MTAP: variants seen among roughly 807,000 people sequenced by gnomAD.
MTAP encodes the protein methylthioadenosine phosphorylase.
Under a neutral mutation model 33.6 loss-of-function variants are expected in MTAP, and 33 were observed. The ratio of observed to expected loss-of-function variants is 0.98; its 90% confidence interval spans 0.74 to 1.31. The LOEUF (loss-of-function observed/expected upper bound fraction) is 1.31. Among genes scored for constraint, MTAP ranks in the 40% most tolerant of loss-of-function variants. The pLI, the probability that MTAP is intolerant of heterozygous loss-of-function variation, is 0.00. For synonymous variants in MTAP, 148 were observed against 125.7 expected, an observed-to-expected ratio of 1.18 and a Z score of -1.19; for missense variants, 367 against 360.0, an observed-to-expected ratio of 1.02 and a Z score of -0.16.
chr9:21,900,658 A>G (rs1818376305), intron 1 of MTAP, among the ~76,000 whole-genome samples: 1 of 152,254 alleles, frequency 6.6e-6, no homozygotes, highest in Admixed American at 6.5e-5. Context: ...CAGCAATCCC[A>G]TTACTGGGTA....
intron 1 of MTAP, among the ~76,000 whole-genome samples, chr9:21,878,963 T>TCCAGCAATCCTCATAA (rs1372755064): frequency 1.3e-5 from 2 of 152,216 alleles, no homozygotes; most frequent in Non-Finnish European, 2.9e-5. Flanking sequence ...CTGAGGATTG[T>TCCAGCAATCCTCATAA]TTTATGTCCA....
Position 21,863,323 on chromosome 9 carries a change from G to C in MTAP, c.*1309G>C. 1.0e-6 allele frequency: 1 copy of C among 983,920 alleles called. No individual in the cohort carries two copies. Among genetic ancestry groups the C allele is most frequent in the Non-Finnish European group, 1.2e-6 (1 of 828,748 alleles). The allele number at this position is 983,920 out of a possible 1,614,324, so 60.9% of individuals were successfully genotyped here. A position where few individuals can be genotyped will look rare whatever the true frequency, so the allele number is the denominator to read the frequency against. On this transcript the variant is annotated 3_prime_UTR_variant, in exon 8 of 8. Coordinates refer to ENST00000644715, the MANE Select transcript of MTAP (RefSeq NM_002451.4). ...TTGTTATTTTATAGAAATGCTTTTTGTTGGCCGGGCACAGTTGCTCATCCA... is the reference window on the plus strand; with the variant it reads ...TTGTTATTTTATAGAAATGCTTTTTCTTGGCCGGGCACAGTTGCTCATCCA...
intron 4 of MTAP, among the ~76,000 whole-genome samples, chr9:21,823,165 G>A (rs967461182): frequency 3.9e-5 from 6 of 152,192 alleles, no homozygotes; most frequent in African/African-American, 1.4e-4. Context: ...ATTTGATCCT[G>A]TCACTATGAT....
intron 5 of MTAP, among the ~76,000 whole-genome samples, chr9:21,842,357 T>C (rs1296794902): frequency 6.6e-6 from 1 of 152,198 alleles, no homozygotes; most frequent in Non-Finnish European, 1.5e-5. Flanking sequence ...AGGAAAACTT[T>C]GCTGGCCTTG....
intron 1 of MTAP, chr9:21,892,638 G>C (rs181375408): frequency 6.6e-6 from 1 of 152,182 alleles, no homozygotes; most frequent in Admixed American, 6.5e-5. Context: ...TAAAGACCTT[G>C]ATTCCACAAA....
chr9:21,813,815 C>T (rs1331697393), intron 1 of MTAP: 1 of 152,190 alleles, frequency 6.6e-6, no homozygotes, highest in African/African-American at 2.4e-5. Flanking sequence ...ACCTGTGGTG[C>T]TTCAGAGGTC....
intron 1 of MTAP, among the ~76,000 whole-genome samples, chr9:21,908,294 ATATTTT>A (rs1227218469): frequency 6.6e-6 from 1 of 152,126 alleles, no homozygotes; most frequent in Admixed American, 6.5e-5. Flanking sequence ...GCCTGTATCA[ATATTTT>A]TATTCCATTC....
intron 1 of MTAP, among the ~76,000 whole-genome samples, chr9:21,913,830 A>G (rs928968284): frequency 4.6e-5 from 7 of 152,192 alleles, no homozygotes; most frequent in African/African-American, 1.7e-4. Context: ...CTACCAACCT[A>G]CAGTGAACAG....
At chr9:21,867,915 C>G (rs973513071), downstream of MTAP, among the ~76,000 whole-genome samples, 2 of 152,058 alleles carry the variant, frequency 1.3e-5, no homozygotes, top group African/African-American at 4.8e-5. Flanking sequence ...TACATCAATT[C>G]AAATAAGTAA....
At chr9:21,877,850 TA>T (rs1434937558) in intron 1 of MTAP, among the ~76,000 whole-genome samples, 1 of 152,156 alleles carries the variant, frequency 6.6e-6, no homozygotes, top group African/African-American at 2.4e-5. Flanking sequence ...CAGACTTTGT[TA>T]TTAGGATGAT....
At chr9:21,804,391 G>A (rs1315833175) in intron 1 of MTAP, among the ~76,000 whole-genome samples, 1 of 152,168 alleles carries the variant, frequency 6.6e-6, no homozygotes, top group Non-Finnish European at 1.5e-5. Context: ...CCTGCCACAG[G>A]GTTTCCCTTC....
chr9:21,858,493 C>A (rs79885275), intron 6 of MTAP, among the ~76,000 whole-genome samples: 1 of 152,116 alleles, frequency 6.6e-6, no homozygotes, highest in Non-Finnish European at 1.5e-5. Flanking sequence ...GCAAAAGGAG[C>A]GAGGCATCTC....
At chr9:21,836,427 G>A (rs1825107678) in intron 4 of MTAP, among the ~76,000 whole-genome samples, 1 of 152,152 alleles carries the variant, frequency 6.6e-6, no homozygotes, top group African/African-American at 2.4e-5. Context: ...GACAGGAGAT[G>A]GGCAGAGGTA....
downstream of MTAP, chr9:21,934,490 T>C (rs1819010883): frequency 6.6e-6 from 1 of 152,190 alleles, no homozygotes; most frequent in African/African-American, 2.4e-5. The surrounding 1 kb of genome is among the most constrained non-coding windows in gnomAD (Gnocchi z 5.0). Context: ...ACATTAAATA[T>C]AATACATACA....
chr9:21,898,585 C>A (rs1328023227), intron 1 of MTAP, among the ~76,000 whole-genome samples: 2 of 152,120 alleles, frequency 1.3e-5, no homozygotes, highest in African/African-American at 4.8e-5. Flanking sequence ...TATGAACAGG[C>A]CCTTTTCAAA....
intron 1 of MTAP, among the ~76,000 whole-genome samples, chr9:21,813,565 G>A (rs140813333): frequency 8.5e-4 from 130 of 152,310 alleles, no homozygotes; most frequent in Middle Eastern, 3.4e-3. Context: ...CTCAGAGGGT[G>A]GCTCCAAACA....
At position 21,825,809 on chromosome 9, in the gene MTAP, C is replaced by G. The variant is rs143765704; in HGVS notation, c.347+7607C>G. 2.9e-4 allele frequency among the ~76,000 whole-genome samples: 44 copies of G among 152,308 alleles called. No individual in the cohort carries two copies. The South Asian group carries it at 7.5e-3, about 26-fold the overall frequency. On this transcript the variant is annotated intron_variant, in intron 4 of 7. Transcript: ENST00000644715. ...TGATTCATGAATGCACCACTACACT[C>G]CAGCCTGGGTGACAGCAAAAAAGCC... is the stretch of plus-strand genomic sequence containing the variant.
At chr9:21,940,340 G>A (rs981655391), downstream of MTAP, among the ~76,000 whole-genome samples, 1 of 152,168 alleles carries the variant, frequency 6.6e-6, no homozygotes, top group Non-Finnish European at 1.5e-5. Flanking sequence ...CAGGCCAAGT[G>A]TAACGGGACT....
downstream of MTAP, among the ~76,000 whole-genome samples, chr9:21,867,520 A>C (rs181853936): frequency 2.0e-5 from 3 of 152,062 alleles, no homozygotes; most frequent in African/African-American, 7.2e-5. Context: ...CTTAGTCATG[A>C]TATGTTATCC....
Sources: gnomAD v4.1 joint callset for allele counts (sites outside exome capture counted in the v4.1 genomes callset) on GRCh38, gnomAD v4.1.1 for gene constraint, Gnocchi (gnomAD v3.1) non-coding constraint, MANE v1.5 for transcripts, NCBI Gene and HGNC (gene_info 2026-07-23, HGNC 2026-07-21) for gene names.